Variants in TCF12 observed in about 807,000 individuals in gnomAD.
The protein encoded by TCF12 is DNA-binding protein HTF4.
Under a neutral mutation model 86.0 loss-of-function variants are expected in TCF12, and 45 were observed. The observed-to-expected ratio is 0.52, with a 90% CI of 0.41 to 0.67. The LOEUF is 0.67. TCF12 is among the 30% of genes least tolerant of loss of function. The pLI, the probability that TCF12 is intolerant of heterozygous loss-of-function variation, is 0.00. For missense variants in TCF12, 881 were observed against 859.9 expected (o/e 1.02, Z -0.31); for synonymous variants, 330 against 299.6 (o/e 1.10, Z -1.05).
chr15:57,191,187 G>T (rs2056960536), intron 6 of TCF12, among the ~76,000 whole-genome samples: 1 of 152,232 alleles, frequency 6.6e-6, no homozygotes, highest in African/African-American at 2.4e-5. Flanking sequence ...GAATGGGCCA[G>T]CTGCAGTGGC....
At chr15:56,951,686 G>C (rs1003476878) in intron 3 of TCF12, among the ~76,000 whole-genome samples, 3 of 152,088 alleles carry the variant, frequency 2.0e-5, no homozygotes, top group Non-Finnish European at 4.4e-5. Flanking sequence ...GTTTTGCTCT[G>C]TTGCTCAGGC....
rs78353915 is a variant in TCF12 at position 57,217,759 on chromosome 15, C to T, written c.580-13393C>T. ...CCTTTTTTTTTGTTTTGAGAGTAGCCGATCTGTCAGTAGAGAAAGACTGTG... is the reference window on the plus strand; with the variant it reads ...CCTTTTTTTTTGTTTTGAGAGTAGCTGATCTGTCAGTAGAGAAAGACTGTG... On this transcript the variant is annotated intron_variant, in intron 8 of 20. Coordinates refer to ENST00000333725, the MANE Select transcript of TCF12 (RefSeq NM_207037.2). 8.7e-3 allele frequency among the ~76,000 whole-genome samples: 1,314 copies of T among 151,894 alleles called. 17 individuals are homozygous for T. Among genetic ancestry groups the T allele is most frequent in the East Asian group, 0.056 (292 of 5,174 alleles).
intron 3 of TCF12, among the ~76,000 whole-genome samples, chr15:56,971,583 G>A (rs532063579): frequency 7.9e-4 from 120 of 152,242 alleles, no homozygotes; most frequent in South Asian, 3.5e-3. Flanking sequence ...CAGTTAGTTG[G>A]GGGGCTTAGA....
intron 5 of TCF12, among the ~76,000 whole-genome samples, chr15:57,161,015 T>A (rs2615245): frequency 0.011 from 1,608 of 152,252 alleles, 33 homozygotes; most frequent in African/African-American, 0.037. Flanking sequence ...ACTCATCTCC[T>A]AACCTCTTCA....
At chr15:57,147,564 A>C (rs573184805) in intron 5 of TCF12, among the ~76,000 whole-genome samples, 3 of 152,254 alleles carry the variant, frequency 2.0e-5, no homozygotes, top group Non-Finnish European at 4.4e-5. Flanking sequence ...TGCATGTTCT[A>C]GGGAAAAAAA....
chr15:56,924,767 G>C (rs1435429162), intron 3 of TCF12, among the ~76,000 whole-genome samples: 1 of 152,150 alleles, frequency 6.6e-6, no homozygotes, highest in Non-Finnish European at 1.5e-5. Flanking sequence ...CTATTAAGTT[G>C]CTCATTTAAG....
chr15:57,122,153 A>T (rs539874365), intron 5 of TCF12, among the ~76,000 whole-genome samples: 6 of 148,860 alleles, frequency 4.0e-5, no homozygotes, highest in African/African-American at 1.2e-4. Context: ...GTCCTGTTCA[A>T]ACATCACCTC....
chr15:57,098,984 C>G (rs754866821), intron 5 of TCF12, among the ~76,000 whole-genome samples: 11 of 152,186 alleles, frequency 7.2e-5, no homozygotes, highest in Non-Finnish European at 1.5e-5. Context: ...GTCTCTCCTT[C>G]TCTAGCTCCC....
intron 4 of TCF12, among the ~76,000 whole-genome samples, chr15:57,086,125 G>A (rs953207565): frequency 6.6e-6 from 1 of 151,462 alleles, no homozygotes; most frequent in Admixed American, 6.6e-5. Flanking sequence ...TCATTCTGAG[G>A]ATGTCATTGT....
At chr15:57,211,944 A>G (rs1739105757) in intron 8 of TCF12, among the ~76,000 whole-genome samples, 2 of 149,502 alleles carry the variant, frequency 1.3e-5, no homozygotes, top group African/African-American at 5.0e-5. Context: ...ACAAAGCAGG[A>G]CTTTGAGACA....
At chr15:57,015,204 C>T (rs1474070856) in intron 3 of TCF12, among the ~76,000 whole-genome samples, 6 of 152,150 alleles carry the variant, frequency 3.9e-5, no homozygotes, top group African/African-American at 1.4e-4. Flanking sequence ...GGGAGGATCA[C>T]CTGAGCCCTG....
At chr15:56,968,251 G>A (rs72749451) in intron 3 of TCF12, among the ~76,000 whole-genome samples, 6,030 of 152,102 alleles carry the variant, frequency 0.04, 177 homozygotes, top group Non-Finnish European at 0.059. Context: ...GCCACTGCGC[G>A]CAGTCAAGAA....
At chr15:57,218,647 GT>G (rs776843691) in intron 8 of TCF12, among the ~76,000 whole-genome samples, 5 of 152,168 alleles carry the variant, frequency 3.3e-5, no homozygotes, top group Non-Finnish European at 7.4e-5. Context: ...TATGAAAGAT[GT>G]GTGAATTTTT....
chr15:57,015,188 T>C (rs575073395), intron 3 of TCF12, among the ~76,000 whole-genome samples: 18 of 152,258 alleles, frequency 1.2e-4, no homozygotes, highest in African/African-American at 4.3e-4. Context: ...CTCAGGAGGC[T>C]GAGGTGGGAG....
intron 3 of TCF12, among the ~76,000 whole-genome samples, chr15:56,998,438 CAG>C (rs1567226173): frequency 8.0e-6 from 1 of 124,414 alleles, no homozygotes; most frequent in Non-Finnish European, 1.6e-5. Context: ...GCCTTGGTGA[CAG>C]GGGTGAAACT....
At chr15:57,227,308 A>T (rs1325213240) in intron 8 of TCF12, among the ~76,000 whole-genome samples, 3 of 152,124 alleles carry the variant, frequency 2.0e-5, no homozygotes, top group Non-Finnish European at 4.4e-5. Flanking sequence ...TACAGGAAAG[A>T]TGTATTGAAA....
chr15:56,918,644 G>C lies in TCF12; in HGVS notation c.-285G>C, dbSNP rs1461041021. 1 of 196,362 alleles carries C rather than the reference G, an allele frequency of 5.1e-6. No homozygotes were observed. Among genetic ancestry groups the C allele is most frequent in the Non-Finnish European group, 1.1e-5 (1 of 93,808 alleles). The allele number at this position is 196,362 out of a possible 1,614,324, so 12.2% of individuals were successfully genotyped here. ...TCCCGGCGCGGAGGGATCCGGAGGC[G>C]AGCCGAGCGCGGTGGTGAGGCCGCC... On this transcript the variant is annotated 5_prime_UTR_variant, in exon 1 of 21. Transcript: ENST00000333725.
At chr15:57,112,735 T>A (rs552884788) in intron 5 of TCF12, among the ~76,000 whole-genome samples, 1 of 152,312 alleles carries the variant, frequency 6.6e-6, no homozygotes, top group East Asian at 1.9e-4. Context: ...AACACTGTGC[T>A]TAAGAGTGTG....
chr15:57,159,905 C>T (rs1210864948), intron 5 of TCF12, among the ~76,000 whole-genome samples: 2 of 152,164 alleles, frequency 1.3e-5, no homozygotes, highest in Admixed American at 1.3e-4. Context: ...TTCATTGAAA[C>T]TAATAAACTT....
Sources: gnomAD v4.1 joint callset for allele counts (sites outside exome capture counted in the v4.1 genomes callset) on GRCh38, gnomAD v4.1.1 for gene constraint, MANE v1.5 for transcripts, NCBI Gene and HGNC (gene_info 2026-07-23, HGNC 2026-07-21) for gene names.